The following VOPP1 variants were observed in gnomAD, a reference collection of about 807,000 sequenced individuals.
The protein encoded by VOPP1 is WW domain binding protein VOPP1.
A neutral mutation model predicts 23.5 loss-of-function variants in VOPP1; 8 were observed. The observed-to-expected ratio is 0.34, with a 90% CI of 0.20 to 0.61. The LOEUF is 0.61. VOPP1 is among the 20% of genes least tolerant of loss of function. VOPP1 has a pLI of 0.78. For missense variants in VOPP1, 174 were observed against 238.1 expected, an observed-to-expected ratio of 0.73 and a Z score of 1.77; for synonymous variants, 83 against 97.3, an observed-to-expected ratio of 0.85 and a Z score of 0.86.
chr7:55,453,157 A>G (rs776353204), intron 4 of VOPP1, among the ~76,000 whole-genome samples: 16 of 152,162 alleles, frequency 1.1e-4, no homozygotes, highest in Non-Finnish European at 4.4e-5. Flanking sequence ...TGTACTTCCA[A>G]GCTATGGAGA....
At chr7:55,551,301 A>ACAT (rs1221520722) in intron 1 of VOPP1, among the ~76,000 whole-genome samples, 5 of 152,208 alleles carry the variant, frequency 3.3e-5, no homozygotes, top group Non-Finnish European at 2.9e-5. Context: ...GTTTTCACTG[A>ACAT]CATCAAAGCA....
chr7:55,566,277 T>C (rs1412856578), intron 1 of VOPP1, among the ~76,000 whole-genome samples: 7 of 152,310 alleles, frequency 4.6e-5, no homozygotes, highest in East Asian at 1.9e-4. Context: ...GAAGACTGTC[T>C]TATGTGCATT....
intron 4 of VOPP1, among the ~76,000 whole-genome samples, chr7:55,465,229 T>C (rs1791603697): frequency 6.6e-6 from 1 of 152,246 alleles, no homozygotes; most frequent in Non-Finnish European, 1.5e-5. Context: ...TACAAAATAC[T>C]GTTTACACTT....
chr7:55,523,391 C>CA (rs1026713617), intron 1 of VOPP1, among the ~76,000 whole-genome samples: 24 of 147,244 alleles, frequency 1.6e-4, no homozygotes, highest in East Asian at 7.8e-4. Context: ...TTTTTTTTTC[C>CA]AAAAAAAAAA....
In VOPP1 at chr7:55,492,354, A is replaced by G. The variant is rs755182483; in HGVS notation, c.256T>C (p.Tyr86His). The change falls in exon 4 of 5, where the codon TAC becomes CAC. Residue 86 changes from tyrosine to histidine, a missense_variant. Physicochemically the swap from Tyr to His is moderately conservative, Grantham distance 83. Coordinates refer to ENST00000285279, the MANE Select transcript of VOPP1 (RefSeq NM_030796.5). ...GAGFFIRRRMYPPPLIEEPAF... is the reference protein window; with the variant it reads ...GAGFFIRRRMHPPPLIEEPAF... ...GGCTCCTCGATCAGCGGCGGGGGGT[A>G]CATGCGCCTCCGGATGAAGAAGCCG... 3.7e-6 allele frequency: 6 copies of G among 1,608,694 alleles called. No individual in the cohort carries two copies. In the South Asian group the frequency reaches 4.4e-5, roughly 12 times the overall value.
chr7:55,484,920 C>T (rs534432445), intron 4 of VOPP1, among the ~76,000 whole-genome samples: 25 of 152,174 alleles, frequency 1.6e-4, no homozygotes, highest in Admixed American at 9.2e-4. Context: ...GAATCCAGTA[C>T]GCACCTTCTC....
chr7:55,466,796 C>T (rs1791641935), downstream of VOPP1, among the ~76,000 whole-genome samples: 1 of 152,162 alleles, frequency 6.6e-6, no homozygotes, highest in African/African-American at 2.4e-5. Context: ...CCTGGCCCAA[C>T]TATGAACATT....
At chr7:55,485,919 G>C (rs932604806) in intron 4 of VOPP1, among the ~76,000 whole-genome samples, 7 of 152,234 alleles carry the variant, frequency 4.6e-5, no homozygotes, top group African/African-American at 1.7e-4. Context: ...CGGGAGACAA[G>C]GGATCTGAAG....
chr7:55,555,866 GTGAGCTCTGCTGA>G (rs1454403731), intron 1 of VOPP1, among the ~76,000 whole-genome samples: 1 of 152,176 alleles, frequency 6.6e-6, no homozygotes, highest in African/African-American at 2.4e-5. Context: ...ACTCCCTTCA[GTGAGCTCTGCTGA>G]TGAACACAGC....
chr7:55,570,638 G>A (rs1469892419), intron 1 of VOPP1, among the ~76,000 whole-genome samples: 1 of 152,098 alleles, frequency 6.6e-6, no homozygotes, highest in Non-Finnish European at 1.5e-5. Context: ...ATTTCATCAA[G>A]TGCCGATTAA....
intron 3 of VOPP1, 85 bp from the exon 4 acceptor site, chr7:55,492,503 C>T: frequency 6.9e-7 from 1 of 1,446,930 alleles, no homozygotes; most frequent in Non-Finnish European, 9.2e-7. Context: ...CTCATGCACT[C>T]CTCGGGGGTC....
chr7:55,501,221 T>C (rs144130941), intron 2 of VOPP1, among the ~76,000 whole-genome samples: 2 of 152,310 alleles, frequency 1.3e-5, no homozygotes, highest in Admixed American at 1.3e-4. Context: ...AACTTAATCA[T>C]AGAGACATAT....
At chr7:55,549,774 C>T (rs775466173) in intron 1 of VOPP1, among the ~76,000 whole-genome samples, 1 of 152,204 alleles carries the variant, frequency 6.6e-6, no homozygotes, top group Non-Finnish European at 1.5e-5. Flanking sequence ...ACAAAGAACA[C>T]CTCCTTCTTT....
At chr7:55,479,919 C>T (rs183513304) in intron 4 of VOPP1, among the ~76,000 whole-genome samples, 2 of 152,096 alleles carry the variant, frequency 1.3e-5, no homozygotes, top group Non-Finnish European at 2.9e-5. Context: ...ATTGTGCTGA[C>T]AGCCTCTTCA....
intron 2 of VOPP1, among the ~76,000 whole-genome samples, chr7:55,517,283 T>C (rs116458378): frequency 6.6e-6 from 1 of 151,736 alleles, no homozygotes; most frequent in African/African-American, 2.4e-5. Flanking sequence ...ATGTTGAAGA[T>C]GCTTCAGAAA....
At chr7:55,517,017 G>A (rs184079437) in intron 2 of VOPP1, among the ~76,000 whole-genome samples, 1,623 of 127,022 alleles carry the variant, frequency 0.013, 12 homozygotes, top group Middle Eastern at 0.034. Context: ...GTGGCTCACT[G>A]CAACCTCTGT....
At chr7:55,488,302 T>A (rs1298750352) in intron 4 of VOPP1, among the ~76,000 whole-genome samples, 1 of 152,154 alleles carries the variant, frequency 6.6e-6, no homozygotes, top group Non-Finnish European at 1.5e-5. Context: ...GCCTCTTAAC[T>A]CCCTGACCAG....
At chr7:55,484,025 T>A (rs1410590510) in intron 4 of VOPP1, among the ~76,000 whole-genome samples, 1 of 152,232 alleles carries the variant, frequency 6.6e-6, no homozygotes, top group East Asian at 1.9e-4. Flanking sequence ...CCCAAAGTGC[T>A]GGGATTACCG....
intron 1 of VOPP1, among the ~76,000 whole-genome samples, chr7:55,562,238 G>A (rs1212142225): frequency 6.6e-6 from 1 of 152,188 alleles, no homozygotes; most frequent in African/African-American, 2.4e-5. Context: ...CCATGGGTCT[G>A]CTTTCCTAAA....
Sources: allele counts gnomAD v4.1 joint callset (sites outside exome capture counted in the v4.1 genomes callset), GRCh38; gene constraint gnomAD v4.1.1; transcripts MANE v1.5; gene names NCBI Gene and HGNC (gene_info 2026-07-23, HGNC 2026-07-21).